RAPGEF6: variants seen among roughly 807,000 people sequenced by gnomAD.
The protein encoded by RAPGEF6 is Rap guanine nucleotide exchange factor 6.
Under a neutral mutation model 171.4 loss-of-function variants are expected in RAPGEF6, and 56 were observed. The observed-to-expected ratio is 0.33, with a 90% confidence interval of 0.26 to 0.41. RAPGEF6 has a LOEUF of 0.41. RAPGEF6 is among the 10% of genes least tolerant of loss of function. The probability of loss-of-function intolerance (pLI) is 1.00; values close to 1 mark genes in which losing one functional copy is unlikely to be tolerated. For missense variants in RAPGEF6, 1,674 were observed against 1,921.4 expected (o/e 0.87, Z 2.41); for synonymous variants, 692 against 650.1 (o/e 1.06, Z -0.98).
chr5:131,559,932 A>T (rs867520253), intron 5 of RAPGEF6, among the ~76,000 whole-genome samples: 87 of 152,172 alleles, frequency 5.7e-4, no homozygotes, highest in African/African-American at 2.1e-3. Context: ...GGTGATCAAG[A>T]ATGTGTTCAG....
chr5:131,586,552 A>C (rs1418953060), intron 4 of RAPGEF6, among the ~76,000 whole-genome samples: 1 of 152,084 alleles, frequency 6.6e-6, no homozygotes, highest in African/African-American at 2.4e-5. Context: ...AATTGCTTGA[A>C]CCTGGGAGGT....
At chr5:131,534,190 T>C (rs1759599086) in intron 6 of RAPGEF6, among the ~76,000 whole-genome samples, 1 of 152,126 alleles carries the variant, frequency 6.6e-6, no homozygotes, top group Non-Finnish European at 1.5e-5. Flanking sequence ...GAGGAGATGT[T>C]ACCTGGGAGA....
At chr5:131,527,250 C>A (rs1758932382) in intron 6 of RAPGEF6, among the ~76,000 whole-genome samples, 1 of 151,996 alleles carries the variant, frequency 6.6e-6, no homozygotes, top group African/African-American at 2.4e-5. Context: ...GCCATCTCAA[C>A]ATAAGGCCAC....
intron 27 of RAPGEF6, among the ~76,000 whole-genome samples, chr5:131,427,552 T>C (rs1168763753): frequency 1.3e-5 from 2 of 152,192 alleles, no homozygotes; most frequent in South Asian, 4.1e-4. Context: ...AAAACAATCA[T>C]TTCTCAAACT....
At chr5:131,572,687 C>A (rs564047217) in intron 4 of RAPGEF6, among the ~76,000 whole-genome samples, 59 of 152,268 alleles carry the variant, frequency 3.9e-4, no homozygotes, top group Admixed American at 2.0e-3. Flanking sequence ...TTCTCCATGT[C>A]TCTACCTTCG....
At chr5:131,474,722 G>C (rs1754982860) in intron 16 of RAPGEF6, among the ~76,000 whole-genome samples, 1 of 152,160 alleles carries the variant, frequency 6.6e-6, no homozygotes, top group Non-Finnish European at 1.5e-5. Context: ...GGTTAGGTAA[G>C]AGAAAATAAG....
chr5:131,560,050 T>C (rs899432361), intron 5 of RAPGEF6, among the ~76,000 whole-genome samples: 9 of 152,278 alleles, frequency 5.9e-5, no homozygotes, highest in African/African-American at 1.9e-4. Flanking sequence ...CTATTTTGGA[T>C]TGTTTTCTCC....
In RAPGEF6 at chr5:131,446,797, T is replaced by C. The variant is rs532329985; in HGVS notation, c.3201-94A>G. Reference sequence around the variant, plus strand: ...AAAAGATTTTGTTCTGTTAATGCTATTGCATGCTGATGTAAATGAGTTAAA... The same window carrying C: ...AAAAGATTTTGTTCTGTTAATGCTACTGCATGCTGATGTAAATGAGTTAAA... On this transcript the variant is annotated intron_variant, in intron 21 of 27. Transcript: ENST00000509018. The C allele has an allele frequency of 3.7e-5, 42 of 1,134,192 alleles. No homozygotes were observed. The African/African-American group carries it at 6.0e-4, about 16-fold the overall frequency. 70.3% of individuals were successfully genotyped at this position (1,134,192 alleles called of 1,614,324 possible). A position where few individuals can be genotyped will look rare whatever the true frequency, so the allele number is the denominator to read the frequency against.
intron 23 of RAPGEF6, chr5:131,439,956 T>C: frequency 3.2e-6 from 2 of 627,790 alleles, no homozygotes; most frequent in Non-Finnish European, 5.2e-6. Context: ...TGTCTGCACT[T>C]TGTGGTATAA....
At chr5:131,429,433 A>C (rs140951787) in intron 26 of RAPGEF6, among the ~76,000 whole-genome samples, 28 of 152,316 alleles carry the variant, frequency 1.8e-4, no homozygotes, top group African/African-American at 6.5e-4. Context: ...GTAAACATTA[A>C]ATAGAACGAG....
chr5:131,521,319 A>G (rs1278816995), intron 7 of RAPGEF6, 71 bp downstream of exon 7: 1 of 1,430,962 alleles, frequency 7.0e-7, no homozygotes, highest in East Asian at 2.4e-5. Flanking sequence ...TTAACCATCT[A>G]AGGCACAATC....
intron 25 of RAPGEF6, among the ~76,000 whole-genome samples, chr5:131,432,083 T>C (rs947647600): frequency 6.6e-6 from 1 of 152,080 alleles, no homozygotes; most frequent in African/African-American, 2.4e-5. Context: ...CCTATTTTTG[T>C]ATGGTCTGGA....
chr5:131,484,552 G>A (rs1056384312), intron 15 of RAPGEF6, among the ~76,000 whole-genome samples: 2 of 152,098 alleles, frequency 1.3e-5, no homozygotes, highest in Non-Finnish European at 2.9e-5. Context: ...AGCATAGATC[G>A]TGATAAACTT....
intron 6 of RAPGEF6, among the ~76,000 whole-genome samples, chr5:131,540,858 C>A (rs1339242772): frequency 6.6e-6 from 1 of 152,086 alleles, no homozygotes; most frequent in Non-Finnish European, 1.5e-5. Flanking sequence ...TACATATGTA[C>A]CAATATTAAA....
intron 1 of RAPGEF6, among the ~76,000 whole-genome samples, chr5:131,626,191 T>A (rs985839824): frequency 6.6e-6 from 1 of 152,222 alleles, no homozygotes; most frequent in African/African-American, 2.4e-5. Flanking sequence ...CCCAGTGTTC[T>A]GCAACCTTTT....
At chr5:131,440,021 G>A (rs2149812011) in intron 23 of RAPGEF6, 1 of 413,920 alleles carries the variant, frequency 2.4e-6, no homozygotes, top group South Asian at 2.1e-5. Flanking sequence ...AATTGACACA[G>A]TGATTTGAAA....
At chr5:131,569,760 G>T (rs1399998230) in intron 4 of RAPGEF6, among the ~76,000 whole-genome samples, 2 of 152,124 alleles carry the variant, frequency 1.3e-5, no homozygotes, top group Non-Finnish European at 2.9e-5. Flanking sequence ...TCACAGACTG[G>T]CTGGGCACGG....
intron 24 of RAPGEF6, among the ~76,000 whole-genome samples, chr5:131,435,328 T>C (rs944153659): frequency 1.4e-4 from 21 of 152,162 alleles, no homozygotes; most frequent in Non-Finnish European, 2.9e-4. Flanking sequence ...ATGAGCTGAT[T>C]AGTCAATTTT....
At chr5:131,534,051 A>G (rs1206259143) in intron 6 of RAPGEF6, among the ~76,000 whole-genome samples, 2 of 152,136 alleles carry the variant, frequency 1.3e-5, no homozygotes, top group African/African-American at 4.8e-5. Flanking sequence ...ATAGTAAAAT[A>G]TAGTTAGTTA....
Sources: allele counts gnomAD v4.1 joint callset (sites outside exome capture counted in the v4.1 genomes callset), GRCh38; gene constraint gnomAD v4.1.1; transcripts MANE v1.5; gene names NCBI Gene and HGNC (gene_info 2026-07-23, HGNC 2026-07-21).